Variants in ASIC2 observed in about 807,000 individuals in gnomAD.
ASIC2 encodes acid sensing ion channel subunit 2, also known as acid-sensing ion channel 2.
Under a neutral mutation model 57.3 loss-of-function variants are expected in ASIC2, and 25 were observed. That is an observed-to-expected ratio of 0.44 (90% CI 0.32 to 0.61). ASIC2 has a LOEUF of 0.61. Ranked by LOEUF, ASIC2 falls within the 20% of genes least tolerant of loss-of-function variation. The pLI, the probability that ASIC2 is intolerant of heterozygous loss-of-function variation, is 0.06. For missense variants in ASIC2, 641 were observed against 738.1 expected (o/e 0.87, Z 1.52); for synonymous variants, 319 against 307.5 (o/e 1.04, Z -0.39).
intron 1 of ASIC2, among the ~76,000 whole-genome samples, chr17:33,967,796 C>T (rs1268422173): frequency 1.3e-5 from 2 of 152,212 alleles, no homozygotes. Flanking sequence ...TAATTCCTCA[C>T]CACACCCCTG....
chr17:33,082,744 A>G (rs1278617940), intron 3 of ASIC2, among the ~76,000 whole-genome samples: 1 of 149,464 alleles, frequency 6.7e-6, no homozygotes, highest in Non-Finnish European at 1.5e-5. Context: ...AAATAAATAA[A>G]TAATCATGGT....
At chr17:33,559,763 G>A (rs188224585) in intron 1 of ASIC2, among the ~76,000 whole-genome samples, 2 of 152,312 alleles carry the variant, frequency 1.3e-5, no homozygotes, top group Non-Finnish European at 1.5e-5. Flanking sequence ...GTAAGGGACA[G>A]TATGGGTTTT....
intron 1 of ASIC2, among the ~76,000 whole-genome samples, chr17:33,369,846 C>A (rs1392558727): frequency 6.6e-6 from 1 of 152,172 alleles, no homozygotes; most frequent in African/African-American, 2.4e-5. Flanking sequence ...ATTTCGAGAG[C>A]ATATTCTTAG....
chr17:33,029,003 G>C (rs987673045), intron 3 of ASIC2, among the ~76,000 whole-genome samples: 2 of 152,166 alleles, frequency 1.3e-5, no homozygotes, highest in African/African-American at 4.8e-5. Context: ...TATTTTCAGA[G>C]GTCCAGTGAT....
intron 1 of ASIC2, among the ~76,000 whole-genome samples, chr17:34,103,076 T>G (rs914492261): frequency 2.0e-5 from 3 of 152,236 alleles, no homozygotes; most frequent in Non-Finnish European, 4.4e-5. Flanking sequence ...TGAAAATATT[T>G]TCTTAAGTCT....
chr17:33,155,579 G>A (rs972958053), intron 1 of ASIC2, among the ~76,000 whole-genome samples: 1 of 26,180 alleles, frequency 3.8e-5, no homozygotes. Context: ...TTTTTTTTTT[G>A]AGACGATGTC....
At chr17:33,217,697 T>C (rs1907548897) in intron 1 of ASIC2, among the ~76,000 whole-genome samples, 1 of 152,242 alleles carries the variant, frequency 6.6e-6, no homozygotes, top group Non-Finnish European at 1.5e-5. Flanking sequence ...CTGGTGACTC[T>C]GGGCTTGTCC....
chr17:33,447,254 A>T (rs1912060011), intron 1 of ASIC2, among the ~76,000 whole-genome samples: 1 of 149,992 alleles, frequency 6.7e-6, no homozygotes. Flanking sequence ...GGCCAGAAAG[A>T]TTAAGGCTAA....
chr17:33,099,783 G>A (rs1404429041), intron 2 of ASIC2, among the ~76,000 whole-genome samples: 1 of 152,154 alleles, frequency 6.6e-6, no homozygotes, highest in Non-Finnish European at 1.5e-5. Context: ...GATTCCATTT[G>A]TAAAAATTCT....
At chr17:33,482,783 G>GCAGGC (rs1463206286) in intron 1 of ASIC2, among the ~76,000 whole-genome samples, 2 of 152,172 alleles carry the variant, frequency 1.3e-5, no homozygotes, top group Non-Finnish European at 2.9e-5. Context: ...ACCTTCCCAG[G>GCAGGC]CAGGCCCTGA....
intron 1 of ASIC2, among the ~76,000 whole-genome samples, chr17:33,969,990 C>A (rs148699537): frequency 6.6e-6 from 1 of 152,100 alleles, no homozygotes; most frequent in Non-Finnish European, 1.5e-5. Flanking sequence ...ACACAGCTGC[C>A]GGTACCATTA....
intron 1 of ASIC2, among the ~76,000 whole-genome samples, chr17:33,139,029 T>C (rs2092377265): frequency 6.6e-6 from 1 of 152,078 alleles, no homozygotes; most frequent in African/African-American, 2.4e-5. Context: ...CTGGGCCTCA[T>C]TTTCCTCAAT....
At chr17:33,735,749 T>C (rs1909893098) in intron 1 of ASIC2, among the ~76,000 whole-genome samples, 1 of 152,112 alleles carries the variant, frequency 6.6e-6, no homozygotes, top group African/African-American at 2.4e-5. Flanking sequence ...CTCACTGTGC[T>C]CCAGGGTGTG....
At chr17:33,933,028 T>G (rs1915979111) in intron 1 of ASIC2, among the ~76,000 whole-genome samples, 1 of 152,102 alleles carries the variant, frequency 6.6e-6, no homozygotes, top group Non-Finnish European at 1.5e-5. Flanking sequence ...ACCTCTGAGG[T>G]CTCTAAGGCC....
intron 3 of ASIC2, among the ~76,000 whole-genome samples, chr17:33,062,844 T>G (rs1221357109): frequency 3.5e-5 from 5 of 144,502 alleles, no homozygotes; most frequent in African/African-American, 1.3e-4. Context: ...ATCTGGGTGC[T>G]CCTGTATTGG....
At chr17:33,186,361 T>A (rs1906194712) in intron 1 of ASIC2, among the ~76,000 whole-genome samples, 1 of 152,160 alleles carries the variant, frequency 6.6e-6, no homozygotes. Flanking sequence ...TCTGCCCAAC[T>A]CAGCCTCCCA....
At chr17:33,167,821 C>G (rs970248255) in intron 1 of ASIC2, among the ~76,000 whole-genome samples, 1 of 152,216 alleles carries the variant, frequency 6.6e-6, no homozygotes, top group Non-Finnish European at 1.5e-5. Flanking sequence ...TAAGGCCAAC[C>G]CATCCTTTGG....
intron 1 of ASIC2, among the ~76,000 whole-genome samples, chr17:33,984,591 C>T (rs1168831674): frequency 6.6e-6 from 1 of 152,216 alleles, no homozygotes; most frequent in Non-Finnish European, 1.5e-5. Flanking sequence ...CCCGACGATG[C>T]AGACACTTGT....
intron 1 of ASIC2, among the ~76,000 whole-genome samples, chr17:34,126,267 G>T (rs1222936318): frequency 6.6e-6 from 1 of 152,148 alleles, no homozygotes; most frequent in Non-Finnish European, 1.5e-5. Flanking sequence ...GTGACTAAAG[G>T]CTACACCAGT....
Sources: allele counts gnomAD v4.1 joint callset (sites outside exome capture counted in the v4.1 genomes callset), GRCh38; gene constraint gnomAD v4.1.1; transcripts MANE v1.5; gene names NCBI Gene and HGNC (gene_info 2026-07-23, HGNC 2026-07-21).